VPS53: variants seen among roughly 807,000 people sequenced by gnomAD.
VPS53 encodes vacuolar protein sorting-associated protein 53 homolog.
Under a neutral mutation model 107.0 loss-of-function variants are expected in VPS53, and 70 were observed. The ratio of observed to expected loss-of-function variants is 0.65; its 90% confidence interval spans 0.54 to 0.80. VPS53 has a LOEUF of 0.80. Among genes scored for constraint, VPS53 ranks in the 30% least tolerant of loss-of-function variants. VPS53 has a pLI of 0.00. For missense variants in VPS53, 917 were observed against 1,049.4 expected (o/e 0.87, Z 1.74); for synonymous variants, 409 against 393.3 (o/e 1.04, Z -0.47).
intron 2 of VPS53, among the ~76,000 whole-genome samples, chr17:700,285 G>A (rs573511892): frequency 5.3e-4 from 81 of 152,244 alleles, no homozygotes; most frequent in African/African-American, 1.7e-3. Context: ...GCTCACGCCT[G>A]TAATCCCAGC....
chr17:642,706 C>T lies in VPS53; in HGVS notation c.608+10585G>A, dbSNP rs552286586. ...TTGGCAACCGAGGACAACACTCATA[C>T]TTGGCAACCGAGGACAACACTCATA... On this transcript the variant is annotated intron_variant, in intron 7 of 21. Coordinates refer to ENST00000437048, the MANE Select transcript of VPS53 (RefSeq NM_001128159.3). 2.0e-5 allele frequency among the ~76,000 whole-genome samples: 3 copies of T among 151,646 alleles called. No homozygotes were observed. In the East Asian group the frequency reaches 6.0e-4, roughly 30 times the overall value.
intron 2 of VPS53, among the ~76,000 whole-genome samples, chr17:703,750 C>T (rs902126589): frequency 4.0e-5 from 6 of 151,494 alleles, no homozygotes; most frequent in Admixed American, 1.3e-4. Context: ...CCTTCTACTA[C>T]GAAACTGTAT....
chr17:601,674 C>T, intron 12 of VPS53, 121 bp downstream of exon 12: 2 of 707,164 alleles, frequency 2.8e-6, no homozygotes, highest in Non-Finnish European at 4.6e-6. Flanking sequence ...TCTGTAAAGA[C>T]CACAACAGCT....
At chr17:641,210 T>C (rs1970413991) in intron 7 of VPS53, among the ~76,000 whole-genome samples, 1 of 152,194 alleles carries the variant, frequency 6.6e-6, no homozygotes, top group African/African-American at 2.4e-5. Flanking sequence ...AAAGCAACTA[T>C]TCCCTTACAG....
chr17:701,740 CCT>C (rs1418262055), intron 2 of VPS53, among the ~76,000 whole-genome samples: 23 of 151,188 alleles, frequency 1.5e-4, no homozygotes, highest in Non-Finnish European at 1.5e-4. Flanking sequence ...AAATAGCCTA[CCT>C]TTAAGATGGC....
intron 19 of VPS53, among the ~76,000 whole-genome samples, chr17:529,398 T>TCACA (rs3084065): frequency 0.18 from 27,226 of 150,184 alleles, 2,488 homozygotes; most frequent in East Asian, 0.28. Context: ...ACACACACAC[T>TCACA]CACACACACA....
chr17:664,669 C>A (rs759926669), intron 4 of VPS53, among the ~76,000 whole-genome samples: 10 of 152,258 alleles, frequency 6.6e-5, no homozygotes, highest in Non-Finnish European at 1.3e-4. Flanking sequence ...GGCAAAGGGG[C>A]TGTGCAGGGG....
At chr17:563,938 T>TA (rs1029450722) in intron 13 of VPS53, among the ~76,000 whole-genome samples, 4 of 152,200 alleles carry the variant, frequency 2.6e-5, no homozygotes, top group Non-Finnish European at 2.9e-5. Flanking sequence ...ATCAAAGGTT[T>TA]AAAAAAATCT....
chr17:614,727 C>T lies in VPS53; in HGVS notation c.1116+8806G>A, dbSNP rs564286833. ...ACATGCTGGGTGGTCTTTCATGAGT[C>T]GTGAGCCTTTTGCAAACGCTCTTAC... On this transcript the variant is annotated intron_variant, in intron 11 of 21. Coordinates refer to ENST00000437048, the MANE Select transcript of VPS53 (RefSeq NM_001128159.3). Among the ~76,000 whole-genome samples, 9 of 152,242 alleles carry T rather than the reference C, an allele frequency of 5.9e-5. No homozygotes were observed. In the East Asian group the frequency reaches 1.5e-3, roughly 26 times the overall value.
intron 12 of VPS53, among the ~76,000 whole-genome samples, chr17:594,729 G>A (rs1408674380): frequency 4.6e-5 from 5 of 109,182 alleles, no homozygotes; most frequent in African/African-American, 7.5e-5. Context: ...TTCCTGGTTT[G>A]ATGATGCACT....
At chr17:633,661 T>C (rs1268965076) in intron 7 of VPS53, among the ~76,000 whole-genome samples, 1 of 152,182 alleles carries the variant, frequency 6.6e-6, no homozygotes. Context: ...GGTGGGTTTG[T>C]AGCCTTTTGA....
chr17:530,547 CCTTT>C (rs1909462098), intron 19 of VPS53, among the ~76,000 whole-genome samples: 1 of 152,164 alleles, frequency 6.6e-6, no homozygotes, highest in Non-Finnish European at 1.5e-5. Context: ...TTAGTTTCCT[CCTTT>C]CTAATCTGTA....
At chr17:530,168 G>T in intron 19 of VPS53, among the ~76,000 whole-genome samples, 2 of 136,090 alleles carry the variant, frequency 1.5e-5, no homozygotes, top group African/African-American at 2.8e-5. Flanking sequence ...TTTTTGAGAC[G>T]GAGTCTCTAT....
intron 13 of VPS53, among the ~76,000 whole-genome samples, chr17:568,262 A>T (rs1320371463): frequency 1.3e-5 from 2 of 151,834 alleles, no homozygotes; most frequent in Admixed American, 6.6e-5. Context: ...TTATTTTTTT[A>T]TTTTTTTGAG....
intron 4 of VPS53, among the ~76,000 whole-genome samples, chr17:689,693 T>C (rs389193): frequency 0.57 from 86,578 of 151,708 alleles, 26,960 homozygotes; most frequent in Non-Finnish European, 0.7. Flanking sequence ...AGGCTGGTCT[T>C]AAACTCCTGA....
chr17:656,029 T>A, intron 5 of VPS53, 76 bp from the exon 6 acceptor site: 1 of 1,176,672 alleles, frequency 8.5e-7, no homozygotes, highest in Non-Finnish European at 1.2e-6. Context: ...AGTAGCTCTG[T>A]AAGAAACGAA....
At chr17:616,909 C>G (rs1485837206) in intron 11 of VPS53, among the ~76,000 whole-genome samples, 1 of 152,242 alleles carries the variant, frequency 6.6e-6, no homozygotes, top group Non-Finnish European at 1.5e-5. Flanking sequence ...ACAGGCTACC[C>G]TGGTCCTCAG....
chr17:658,326 C>G (rs1384386371), intron 5 of VPS53, among the ~76,000 whole-genome samples: 1 of 137,940 alleles, frequency 7.2e-6, no homozygotes, highest in Non-Finnish European at 1.6e-5. Context: ...GTGAGACACT[C>G]GGCCGTGAGT....
At chr17:677,021 T>C (rs1228550891) in intron 4 of VPS53, among the ~76,000 whole-genome samples, 1 of 152,104 alleles carries the variant, frequency 6.6e-6, no homozygotes, top group Non-Finnish European at 1.5e-5. Context: ...TTCAGAACAA[T>C]ATGGAAAAAT....
Sources: allele counts gnomAD v4.1 joint callset (sites outside exome capture counted in the v4.1 genomes callset), GRCh38; gene constraint gnomAD v4.1.1; transcripts MANE v1.5; gene names NCBI Gene and HGNC (gene_info 2026-07-23, HGNC 2026-07-21).